Variants in DOCK1 observed in about 807,000 individuals in gnomAD.
DOCK1 encodes dedicator of cytokinesis 1, also known as dedicator of cytokinesis protein 1.
Under a neutral mutation model 262.7 loss-of-function variants are expected in DOCK1, and 138 were observed. The observed-to-expected ratio is 0.53, with a 90% CI of 0.46 to 0.61. DOCK1 has a LOEUF of 0.61. Among genes scored for constraint, DOCK1 ranks in the 20% least tolerant of loss-of-function variants. The probability of loss-of-function intolerance (pLI) is 0.00; values close to 1 mark genes in which losing one functional copy is unlikely to be tolerated. For synonymous variants in DOCK1, 866 were observed against 867.4 expected (o/e 1.00, Z 0.03); for missense variants, 1,908 against 2,370.7 (o/e 0.80, Z 4.05).
chr10:127,433,819 T>C (rs1306855868), intron 48 of DOCK1, among the ~76,000 whole-genome samples: 1 of 151,910 alleles, frequency 6.6e-6, no homozygotes, highest in African/African-American at 2.4e-5. Flanking sequence ...AGTATGAGAT[T>C]GTTTTTGTGA....
At chr10:126,946,039 G>T (rs962059105) in intron 1 of DOCK1, among the ~76,000 whole-genome samples, 65 of 152,114 alleles carry the variant, frequency 4.3e-4, no homozygotes, top group African/African-American at 1.5e-3. Context: ...TACCATGCAG[G>T]GTATCCACTG....
intron 29 of DOCK1, among the ~76,000 whole-genome samples, chr10:127,302,755 T>TGG (rs2061730717): frequency 6.7e-6 from 1 of 149,794 alleles, no homozygotes; most frequent in Non-Finnish European, 1.5e-5. Flanking sequence ...TGTGTGTGTG[T>TGG]GTGTGTGTGT....
At chr10:126,957,277 C>T (rs2036821545) in intron 1 of DOCK1, among the ~76,000 whole-genome samples, 3 of 152,288 alleles carry the variant, frequency 2.0e-5, no homozygotes, top group East Asian at 3.9e-4. Flanking sequence ...TGTCTTCTCC[C>T]TCCTGGTTGC....
chr10:127,197,138 A>AG (rs2057231348), intron 27 of DOCK1, among the ~76,000 whole-genome samples: 2 of 152,058 alleles, frequency 1.3e-5, no homozygotes. Flanking sequence ...AGGTCCTATG[A>AG]GTGGCCTGAG....
chr10:127,345,384 C>T (rs2063585941), intron 31 of DOCK1, among the ~76,000 whole-genome samples: 1 of 152,160 alleles, frequency 6.6e-6, no homozygotes, highest in Non-Finnish European at 1.5e-5. Context: ...TTGGCCAGTC[C>T]CACACCTAGA....
intron 30 of DOCK1, among the ~76,000 whole-genome samples, chr10:127,343,296 T>C (rs2063505887): frequency 6.6e-6 from 1 of 152,182 alleles, no homozygotes; most frequent in African/African-American, 2.4e-5. Context: ...CTGTACCGCC[T>C]TAAATTCTGT....
chr10:126,998,304 G>C, intron 8 of DOCK1, 55 bp downstream of exon 8: 1 of 1,608,044 alleles, frequency 6.2e-7, no homozygotes, highest in Non-Finnish European at 8.5e-7. Flanking sequence ...TTAGGAACTT[G>C]GGATCAGAAC....
intron 30 of DOCK1, among the ~76,000 whole-genome samples, chr10:127,340,047 T>G (rs759803799): frequency 6.6e-6 from 1 of 152,176 alleles, no homozygotes. Flanking sequence ...CAATGCTCTT[T>G]CATTTGCATT....
intron 1 of DOCK1, among the ~76,000 whole-genome samples, chr10:126,939,717 G>A (rs1181839498): frequency 1.3e-5 from 2 of 152,174 alleles, no homozygotes; most frequent in South Asian, 2.1e-4. Flanking sequence ...GAGTCGTCAC[G>A]AGACCAGTGT....
chr10:127,312,743 T>G (rs780274884), intron 29 of DOCK1, among the ~76,000 whole-genome samples: 26 of 151,996 alleles, frequency 1.7e-4, no homozygotes, highest in Non-Finnish European at 3.4e-4. Context: ...GGGTTTCCCA[T>G]TCTCCCTGTG....
intron 1 of DOCK1, among the ~76,000 whole-genome samples, chr10:126,967,499 CT>C (rs1221718256): frequency 6.6e-6 from 1 of 151,966 alleles, no homozygotes; most frequent in Non-Finnish European, 1.5e-5. Context: ...TTTCACACAC[CT>C]CCTTGTACTA....
At chr10:126,997,443 C>T (rs972174155) in intron 7 of DOCK1, among the ~76,000 whole-genome samples, 12 of 151,860 alleles carry the variant, frequency 7.9e-5, no homozygotes, top group Admixed American at 2.0e-4. Context: ...TGGTGGAAGG[C>T]GAAGTGGGAG....
At chr10:127,416,003 A>G (rs1188707807) in intron 44 of DOCK1, among the ~76,000 whole-genome samples, 3 of 152,198 alleles carry the variant, frequency 2.0e-5, no homozygotes, top group Non-Finnish European at 2.9e-5. Flanking sequence ...TTAGTTTTCA[A>G]TGAGTCCCCC....
At chr10:127,399,210 C>A (rs2067084741) in intron 38 of DOCK1, among the ~76,000 whole-genome samples, 1 of 152,132 alleles carries the variant, frequency 6.6e-6, no homozygotes, top group South Asian at 2.1e-4. Flanking sequence ...TGATATGGGG[C>A]TTTTTCATTT....
chr10:127,188,320 G>A (rs1486318198), intron 27 of DOCK1, among the ~76,000 whole-genome samples: 1 of 152,166 alleles, frequency 6.6e-6, no homozygotes, highest in Non-Finnish European at 1.5e-5. Flanking sequence ...TTATGGGATG[G>A]CAAATTCCAA....
At chr10:127,372,694 A>C (rs1050164137) in intron 33 of DOCK1, among the ~76,000 whole-genome samples, 2 of 152,174 alleles carry the variant, frequency 1.3e-5, no homozygotes. Flanking sequence ...CGGCTTGAGA[A>C]TTGTTGCCTG....
At chr10:127,184,196 A>G (rs929685363) in intron 27 of DOCK1, among the ~76,000 whole-genome samples, 1 of 152,164 alleles carries the variant, frequency 6.6e-6, no homozygotes, top group Non-Finnish European at 1.5e-5. Context: ...TGTTAAAGGC[A>G]GGACTGGACT....
chr10:127,251,788 G>A (rs61872144), intron 28 of DOCK1, among the ~76,000 whole-genome samples: 7,059 of 143,388 alleles, frequency 0.049, 200 homozygotes, highest in Non-Finnish European at 0.075. Flanking sequence ...TCATTGTTGG[G>A]CATTTGGGTT....
At chr10:127,008,669 T>C (rs1167019873) in intron 10 of DOCK1, 63 bp from the exon 11 acceptor site, 1 of 1,358,374 alleles carries the variant, frequency 7.4e-7, no homozygotes, top group East Asian at 2.5e-5. Context: ...TTCCTTTGTT[T>C]GTTTGTGTTC....
Sources: gnomAD v4.1 joint callset for allele counts (sites outside exome capture counted in the v4.1 genomes callset) on GRCh38, gnomAD v4.1.1 for gene constraint, MANE v1.5 for transcripts, NCBI Gene and HGNC (gene_info 2026-07-23, HGNC 2026-07-21) for gene names.